The following OBI1 variants were observed in gnomAD, a reference collection of about 807,000 sequenced individuals.
OBI1 encodes ORC ubiquitin ligase 1.
In OBI1, 59 loss-of-function variants were observed where a neutral mutation model predicts 62.4. That is an observed-to-expected ratio of 0.95 (90% CI 0.77 to 1.17). OBI1 has a LOEUF of 1.17. OBI1 is among the 50% of genes most tolerant of loss of function. The pLI, the probability that OBI1 is intolerant of heterozygous loss-of-function variation, is 0.00. For synonymous variants in OBI1, 302 were observed against 292.8 expected, an observed-to-expected ratio of 1.03 and a Z score of -0.32; for missense variants, 875 against 830.9, an observed-to-expected ratio of 1.05 and a Z score of -0.65.
At position 78,616,598 on chromosome 13, in the gene OBI1, G is replaced by A; in HGVS notation, c.1163C>T (p.Ala388Val). 6.2e-7 allele frequency: 1 copy of A among 1,614,122 alleles called. No individual in the cohort carries two copies. The highest frequency in any genetic ancestry group is 8.5e-7 in the Non-Finnish European group (1 of 1,180,004). ...ACTAAGGGACAAAGGAGTACAAGGA[G>A]CTGGAAGATCATAAAGTTCTTCATC... ...YKDEELYDLP[A>V]PCTPLSLSCL... Residue 388 changes from alanine to valine, a missense_variant, in exon 6 of 6, where the codon GCT (alanine) becomes GTT (valine). Physicochemically the swap from Ala to Val is moderately conservative, Grantham distance 64. Coordinates refer to ENST00000282003, the MANE Select transcript of OBI1 (RefSeq NM_024546.4).
Position 78,616,731 on chromosome 13 carries a change from G to C in OBI1, c.1030C>G (p.Leu344Val). The C allele has an allele frequency of 1.2e-6, 2 of 1,614,146 alleles. No homozygotes were observed. The highest frequency in any genetic ancestry group is 1.7e-6 in the Non-Finnish European group (2 of 1,180,018). Residue 344 changes from leucine to valine, a missense_variant, in exon 6 of 6, where the codon CTA (leucine) becomes GTA (valine). Coordinates refer to ENST00000282003, the MANE Select transcript of OBI1 (RefSeq NM_024546.4). Reference sequence around the variant, plus strand: ...ATTACTTCTACCTGTTCTTGATATAGGTCTTTGTTCTTAGAACAGTTAAGG... The same window carrying C: ...ATTACTTCTACCTGTTCTTGATATACGTCTTTGTTCTTAGAACAGTTAAGG... ...ADLNCSKNKD[L>V]YQEQVEVMLD...
In OBI1 at chr13:78,632,560, ATAGT is replaced by A. The variant is rs1166914868; in HGVS notation, c.638+2546_638+2549del. Reference sequence around the variant, plus strand: ...ACCTAACCAAGCCGAAAAGAGAAAAATAGTTAGTCAAGGCATTTTCTAAACCAAG... The same window carrying A: ...ACCTAACCAAGCCGAAAAGAGAAAAATAGTCAAGGCATTTTCTAAACCAAG... On this transcript the variant is annotated intron_variant, in intron 5 of 5. Coordinates refer to ENST00000282003, the MANE Select transcript of OBI1 (RefSeq NM_024546.4). Among the ~76,000 whole-genome samples the A allele has an allele frequency of 3.9e-5, 6 of 152,208 alleles. No homozygotes were observed. The East Asian group carries it at 7.7e-4, about 20-fold the overall frequency.
chr13:78,639,094 T>C, intron 3 of OBI1, 23 bp from the exon 4 acceptor site: 3 of 1,606,096 alleles, frequency 1.9e-6, no homozygotes, highest in Non-Finnish European at 2.6e-6. Flanking sequence ...TGCATAGTCA[T>C]GAGGCAGGCA....
chr13:78,638,801 AT>A (rs768528206), intron 4 of OBI1, 21 bp downstream of exon 4: 1 of 1,587,778 alleles, frequency 6.3e-7, no homozygotes, highest in Non-Finnish European at 8.6e-7. Context: ...ACCATAATAG[AT>A]TTTTAAAAAC....
intron 5 of OBI1, among the ~76,000 whole-genome samples, chr13:78,625,496 T>C (rs1308173102): frequency 2.0e-5 from 3 of 152,208 alleles, no homozygotes; most frequent in South Asian, 2.1e-4. Context: ...TCAGGGGCTA[T>C]GAAGAAGGAA....
intron 1 of OBI1, among the ~76,000 whole-genome samples, chr13:78,657,299 A>AC (rs398023581): frequency 1.3e-5 from 2 of 151,596 alleles, no homozygotes; most frequent in African/African-American, 2.4e-5. Context: ...GAAAAAAAAA[A>AC]CACTAAAAAT....
In OBI1 at chr13:78,635,313, T is replaced by G. The variant is rs1052144511; in HGVS notation, c.550-115A>C. The G allele has an allele frequency of 4.7e-6, 3 of 639,758 alleles. No homozygotes were observed. The African/African-American group carries it at 5.6e-5, about 12-fold the overall frequency. The allele number at this position is 639,758 out of a possible 1,614,324, so 39.6% of individuals were successfully genotyped here. A position where few individuals can be genotyped will look rare whatever the true frequency, so the allele number is the denominator to read the frequency against. On this transcript the variant is annotated intron_variant, in intron 4 of 5. Coordinates refer to ENST00000282003, the MANE Select transcript of OBI1 (RefSeq NM_024546.4). The stretch of plus-strand genomic sequence containing the variant: ...GTGATAATATCAGAAAACTGAATAG[T>G]AGAACATGGCCTTCAGAAACTTAAA...
intron 5 of OBI1, among the ~76,000 whole-genome samples, chr13:78,619,508 C>T (rs1875442593): frequency 6.6e-6 from 1 of 151,858 alleles, no homozygotes; most frequent in Non-Finnish European, 1.5e-5. Flanking sequence ...AGGCTGTTTT[C>T]TAAAAGGCCA....
At chr13:78,628,166 CTTACTA>C (rs1369385685) in intron 5 of OBI1, among the ~76,000 whole-genome samples, 1 of 152,174 alleles carries the variant, frequency 6.6e-6, no homozygotes, top group Non-Finnish European at 1.5e-5. Flanking sequence ...TCATTTAACT[CTTACTA>C]TTACTTACAA....
chr13:78,625,650 GT>G (rs2137434997), intron 5 of OBI1, among the ~76,000 whole-genome samples: 1 of 152,302 alleles, frequency 6.6e-6, no homozygotes, highest in East Asian at 1.9e-4. Flanking sequence ...GAAAACTGCA[GT>G]ACCTGTCTAT....
intron 5 of OBI1, among the ~76,000 whole-genome samples, chr13:78,619,064 TTTC>T (rs1875421610): frequency 6.6e-6 from 1 of 152,132 alleles, no homozygotes; most frequent in African/African-American, 2.4e-5. Flanking sequence ...TCAAGATAAA[TTTC>T]TTCAAGTAAA....
chr13:78,659,151 G>C lies in OBI1; in HGVS notation c.-31C>G. 1 of 1,602,074 alleles carries C rather than the reference G, an allele frequency of 6.2e-7. No individual in the cohort carries two copies. Among genetic ancestry groups the C allele is most frequent in the Non-Finnish European group, 8.5e-7 (1 of 1,173,206 alleles). On this transcript the variant is annotated 5_prime_UTR_variant, in exon 1 of 6. Transcript: ENST00000282003. ...CGTTCAGAATCCCGCCAACACGGAA[G>C]TCCCGCCGACCTACCGCTACTCTTC...
intron 3 of OBI1, among the ~76,000 whole-genome samples, chr13:78,640,889 T>C (rs1876194225): frequency 2.0e-5 from 3 of 152,240 alleles, no homozygotes; most frequent in Non-Finnish European, 4.4e-5. Flanking sequence ...ACCATTTCCT[T>C]CTACTTTTCA....
rs1229726444 is a variant in OBI1, at chr13:78,614,971, T to C, written c.*609A>G. The C allele has an allele frequency of 6.6e-6, 1 of 151,952 alleles. No individual in the cohort carries two copies. The highest frequency in any genetic ancestry group is 1.5e-5 in the Non-Finnish European group (1 of 67,974). The allele number at this position is 151,952 out of a possible 1,614,324, so 9.4% of individuals were successfully genotyped here. Reference sequence around the variant, plus strand: ...ATGCTAAAAAATGCAAACATATACATAAAACCTAAAAAAAGAAAGTAAATC... The same window carrying C: ...ATGCTAAAAAATGCAAACATATACACAAAACCTAAAAAAAGAAAGTAAATC... On this transcript the variant is annotated 3_prime_UTR_variant, in exon 6 of 6. Coordinates refer to ENST00000282003, the MANE Select transcript of OBI1 (RefSeq NM_024546.4).
At chr13:78,642,470 A>G (rs1483969732) in intron 2 of OBI1, among the ~76,000 whole-genome samples, 2 of 152,318 alleles carry the variant, frequency 1.3e-5, no homozygotes, top group Non-Finnish European at 2.9e-5. Flanking sequence ...TATCACAGCA[A>G]ACTCAGTGGA....
At position 78,659,152 on chromosome 13, in the gene OBI1, T is replaced by C. The variant is rs1566290592; in HGVS notation, c.-32A>G. ...GTTCAGAATCCCGCCAACACGGAAG[T>C]CCCGCCGACCTACCGCTACTCTTCG... On this transcript the variant is annotated 5_prime_UTR_variant, in exon 1 of 6. Transcript: ENST00000282003. 1.3e-6 allele frequency: 2 copies of C among 1,599,782 alleles called. No homozygotes were observed. Among genetic ancestry groups the C allele is most frequent in the Non-Finnish European group, 8.5e-7 (1 of 1,171,982 alleles).
At chr13:78,641,164 G>A (rs1876204923) in intron 3 of OBI1, among the ~76,000 whole-genome samples, 1 of 152,030 alleles carries the variant, frequency 6.6e-6, no homozygotes, top group African/African-American at 2.4e-5. Context: ...TCTCCCAAAG[G>A]ATTAATTTGT....
At position 78,616,711 on chromosome 13, in the gene OBI1, T is replaced by G; in HGVS notation, c.1050A>C (p.Glu350Asp). 1 of 1,614,212 alleles carries G rather than the reference T, an allele frequency of 6.2e-7. No homozygotes were observed. The highest frequency in any genetic ancestry group is 8.5e-7 in the Non-Finnish European group (1 of 1,180,026). Residue 350 changes from glutamate (E) to aspartate (D), a missense_variant, in exon 6 of 6, where the codon GAA becomes GAC. Transcript: ENST00000282003. ...TTGTATCTGTCACATCTAACATTAC[T>G]TCTACCTGTTCTTGATATAGGTCTT... Reference protein sequence around the residue: ...KNKDLYQEQVEVMLDVTDTSM... With the variant: ...KNKDLYQEQVDVMLDVTDTSM...
chr13:78,650,039 T>C (rs1427034720), intron 1 of OBI1, among the ~76,000 whole-genome samples: 2 of 152,230 alleles, frequency 1.3e-5, no homozygotes, highest in East Asian at 3.9e-4. Flanking sequence ...CAGATTGCTA[T>C]ACATTGTTGA....
Sources: allele counts gnomAD v4.1 joint callset (sites outside exome capture counted in the v4.1 genomes callset), GRCh38; gene constraint gnomAD v4.1.1; transcripts MANE v1.5; gene names NCBI Gene and HGNC (gene_info 2026-07-23, HGNC 2026-07-21).